CSF2RA: variants seen among roughly 807,000 people sequenced by gnomAD.
CSF2RA encodes the protein granulocyte-macrophage colony-stimulating factor receptor subunit alpha.
In CSF2RA, 42 loss-of-function variants were observed where a neutral mutation model predicts 51.6. That is an observed-to-expected ratio of 0.81 (90% CI 0.64 to 1.05). CSF2RA has a LOEUF of 1.05. Ranked by LOEUF, CSF2RA falls within the 50% of genes least tolerant of loss-of-function variation. The pLI is 0.00. For missense variants in CSF2RA, 530 were observed against 501.1 expected (o/e 1.06, Z -0.55); for synonymous variants, 222 against 193.0 (o/e 1.15, Z -1.24).
downstream of CSF2RA, chrX:1,310,031 C>A (rs758183033): frequency 2.7e-6 from 1 of 371,520 alleles, no homozygotes; most frequent in African/African-American, 2.1e-5. Flanking sequence ...CCTGTCTCTA[C>A]AAAAAAGGCA....
chrX:1,269,878 CG>C (rs1444629206), intron 1 of CSF2RA, among the ~76,000 whole-genome samples: 6 of 152,144 alleles, frequency 3.9e-5, no homozygotes, highest in African/African-American at 1.4e-4. Context: ...GAGGCTGAGG[CG>C]GGCGGATCAC....
chrX:1,296,361 C>G (rs1472243825), intron 9 of CSF2RA, among the ~76,000 whole-genome samples: 4 of 101,750 alleles, frequency 3.9e-5, no homozygotes, highest in Non-Finnish European at 6.3e-5. Flanking sequence ...ACCCTACAGT[C>G]CCCTACTCAC....
rs2083506224 is a variant in CSF2RA at position 1,305,819 on chromosome X, G to C, written c.1125+292G>C. Reference sequence around the variant, plus strand: ...GAGAGGGCCAGGCACGGTGGCTCATGCCTGTCATCCCAGCACTTTGGGAGG... The same window carrying C: ...GAGAGGGCCAGGCACGGTGGCTCATCCCTGTCATCCCAGCACTTTGGGAGG... On this transcript the variant is annotated intron_variant, in intron 12 of 12. Transcript: ENST00000381529. 2.6e-6 allele frequency: 4 copies of C among 1,540,534 alleles called. No individual in the cohort carries two copies. The South Asian group carries it at 4.8e-5, about 18-fold the overall frequency.
At chrX:1,269,470 A>C (rs1242161693) in intron 1 of CSF2RA, among the ~76,000 whole-genome samples, 1 of 151,816 alleles carries the variant, frequency 6.6e-6, no homozygotes, top group Non-Finnish European at 1.5e-5. Context: ...AAAATACAAA[A>C]TTAGCCGGGC....
chrX:1,295,302 C>T, intron 8 of CSF2RA, 125 bp from the exon 9 acceptor site: 3 of 1,212,380 alleles, frequency 2.5e-6, no homozygotes, highest in Non-Finnish European at 3.7e-6. Context: ...GGGAGACCTG[C>T]CTGCCACTCC....
At chrX:1,305,403 G>A (rs775983479) in intron 11 of CSF2RA, 43 bp from the exon 12 acceptor site, 2 of 1,605,956 alleles carry the variant, frequency 1.2e-6, no homozygotes, top group East Asian at 4.5e-5. Context: ...GAACTCTGGT[G>A]ACCCGGGGTT....
At chrX:1,317,603 T>TGGAG in the CSF2RA span, among the ~76,000 whole-genome samples, 1 of 149,648 alleles carries the variant, frequency 6.7e-6, no homozygotes, top group African/African-American at 2.5e-5. Context: ...AGTCTTGCTC[T>TGGAG]TGTCACCCAG....
chrX:1,323,911 G>A, the CSF2RA span, among the ~76,000 whole-genome samples: 3 of 152,018 alleles, frequency 2.0e-5, no homozygotes, highest in Non-Finnish European at 2.9e-5. Flanking sequence ...CTACTCGGGA[G>A]GCTGAGGCAG....
chrX:1,271,917 G>A (rs2088485041), intron 1 of CSF2RA, among the ~76,000 whole-genome samples: 2 of 151,796 alleles, frequency 1.3e-5, no homozygotes. Context: ...ACAGACATGA[G>A]GCAGATTGAT....
Position 1,282,031 on chromosome X carries a change from T to TAAAAAAAAAAAAAAAAAA in CSF2RA, c.-26-640_-26-623dup, listed in dbSNP as rs1202643478. 9.8e-5 allele frequency: 6 copies of TAAAAAAAAAAAAAAAAAA among 61,134 alleles called. 1 individual carries two copies. Among genetic ancestry groups the TAAAAAAAAAAAAAAAAAA allele is most frequent in the Non-Finnish European group, 1.4e-4 (5 of 35,122 alleles). 3.8% of individuals were successfully genotyped at this position (61,134 alleles called of 1,614,324 possible). A position where few individuals can be genotyped will look rare whatever the true frequency, so the allele number is the denominator to read the frequency against. ...TAACACGGTGAAAGCCTGTTTCTAC[T>TAAAAAAAAAAAAAAAAAA]AAAAAAAAAAAAAAAAAAAAAAAAT... On this transcript the variant is annotated intron_variant, in intron 2 of 12. Transcript: ENST00000381529.
intron 2 of CSF2RA, among the ~76,000 whole-genome samples, chrX:1,278,560 G>A (rs1311391473): frequency 7.0e-6 from 1 of 142,724 alleles, no homozygotes; most frequent in Admixed American, 7.2e-5. Flanking sequence ...GTTGGTGCGT[G>A]CCTGTAGTCC....
At chrX:1,316,253 A>C in the CSF2RA span, among the ~76,000 whole-genome samples, 3 of 125,072 alleles carry the variant, frequency 2.4e-5, no homozygotes, top group African/African-American at 9.6e-5. Context: ...ATGATAGATT[A>C]GATAGATGAT....
downstream of CSF2RA, among the ~76,000 whole-genome samples, chrX:1,313,521 C>T (rs1169900376): frequency 1.4e-5 from 2 of 146,700 alleles, no homozygotes; most frequent in Admixed American, 7.0e-5. Context: ...ACCAGCCTGG[C>T]CAACATGGCA....
In CSF2RA at chrX:1,294,281, G is replaced by A. The variant is rs181735181; in HGVS notation, c.647-47G>A. 4.3e-3 allele frequency: 6,953 copies of A among 1,611,756 alleles called. 75 individuals are homozygous for A. Among genetic ancestry groups the A allele is most frequent in the Middle Eastern group, 0.034 (156 of 4,632 alleles). ...ACCACCTCCACCTGGACCCAGTGTA[G>A]ACAGGACCTCTCGGGTTCAGGGGTG... On this transcript the variant is annotated intron_variant, in intron 7 of 12. Transcript: ENST00000381529.
At chrX:1,269,272 G>C (rs1220389900) in intron 1 of CSF2RA, among the ~76,000 whole-genome samples, 2 of 152,144 alleles carry the variant, frequency 1.3e-5, no homozygotes, top group African/African-American at 4.8e-5. Flanking sequence ...GTAGTATCTA[G>C]CACGGAATTA....
chrX:1,320,421 G>T, the CSF2RA span, among the ~76,000 whole-genome samples: 4 of 151,936 alleles, frequency 2.6e-5, no homozygotes, highest in Non-Finnish European at 4.4e-5. Flanking sequence ...GTCAGAAAAG[G>T]GAAGCTCCAA....
the CSF2RA span, among the ~76,000 whole-genome samples, chrX:1,323,253 C>A: frequency 6.6e-6 from 1 of 151,704 alleles, no homozygotes; most frequent in Non-Finnish European, 1.5e-5. Flanking sequence ...GTGGCTCACG[C>A]CTGTAATTTC....
chrX:1,316,170 TA>T, the CSF2RA span, among the ~76,000 whole-genome samples: 1 of 151,610 alleles, frequency 6.6e-6, no homozygotes. Flanking sequence ...ATAGAAGAGC[TA>T]GACAGATGGA....
downstream of CSF2RA, among the ~76,000 whole-genome samples, chrX:1,313,037 TCCCCAAGGGA>T (rs2084253027): frequency 6.6e-6 from 1 of 151,896 alleles, no homozygotes; most frequent in Non-Finnish European, 1.5e-5. Flanking sequence ...CAGGTCCACC[TCCCCAAGGGA>T]GCACCACATT....
Sources: allele counts gnomAD v4.1 joint callset (sites outside exome capture counted in the v4.1 genomes callset), GRCh38; gene constraint gnomAD v4.1.1; transcripts MANE v1.5; gene names NCBI Gene and HGNC (gene_info 2026-07-23, HGNC 2026-07-21).